Variants in DMGDH observed in about 807,000 individuals in gnomAD.
The protein encoded by DMGDH is dimethylglycine dehydrogenase.
A neutral mutation model predicts 95.2 loss-of-function variants in DMGDH; 76 were observed. That is an observed-to-expected ratio of 0.80 (90% CI 0.66 to 0.97). DMGDH has a LOEUF of 0.97. Among genes scored for constraint, DMGDH ranks in the 50% least tolerant of loss-of-function variants. The pLI is 0.00. For synonymous variants in DMGDH, 345 were observed against 377.6 expected, an observed-to-expected ratio of 0.91 and a Z score of 1.00; for missense variants, 987 against 1,055.0, an observed-to-expected ratio of 0.94 and a Z score of 0.89.
chr5:79,068,463 A>G (rs1466155477), intron 1 of DMGDH, among the ~76,000 whole-genome samples: 1 of 152,172 alleles, frequency 6.6e-6, no homozygotes, highest in East Asian at 1.9e-4. Flanking sequence ...TGAACCTCAG[A>G]AGTGTAAGGT....
chr5:79,034,205 A>G (rs1292403981), intron 7 of DMGDH, among the ~76,000 whole-genome samples: 2 of 152,138 alleles, frequency 1.3e-5, no homozygotes, highest in Non-Finnish European at 2.9e-5. Flanking sequence ...TGACCTCCTT[A>G]GACAATGACC....
At position 79,050,273 on chromosome 5, in the gene DMGDH, AATATAT is replaced by A. The variant is rs761250761; in HGVS notation, c.745+1008_745+1013del. 5.0e-3 allele frequency among the ~76,000 whole-genome samples: 104 copies of A among 20,884 alleles called. 1 individual carries two copies. Among genetic ancestry groups the A allele is most frequent in the Middle Eastern group, 0.05 (2 of 40 alleles). The allele number at this position is 20,884 out of a possible 152,430, so 13.7% of individuals were successfully genotyped here. ...CAAAAAAAAAAAAAAAAAAAAAAAAAATATATATATATATATATATATATATATACC... is the reference window on the plus strand; with the variant it reads ...CAAAAAAAAAAAAAAAAAAAAAAAAAATATATATATATATATATATATACC... On this transcript the variant is annotated intron_variant, in intron 5 of 15. Transcript: ENST00000255189.
At chr5:79,040,657 A>G (rs1041195318) in intron 7 of DMGDH, among the ~76,000 whole-genome samples, 1 of 152,244 alleles carries the variant, frequency 6.6e-6, no homozygotes, top group African/African-American at 2.4e-5. Flanking sequence ...GACACCATCA[A>G]GAAAGTAAAA....
intron 10 of DMGDH, chr5:79,030,618 C>G: frequency 2.0e-6 from 1 of 489,894 alleles, no homozygotes; most frequent in South Asian, 2.3e-5. Flanking sequence ...TGCACTCCAG[C>G]CTGGGTGACA....
At chr5:79,018,228 T>C (rs1862228) in intron 14 of DMGDH, among the ~76,000 whole-genome samples, 50,859 of 151,826 alleles carry the variant, frequency 0.33, 9,393 homozygotes, top group African/African-American at 0.5. Flanking sequence ...TTTGTGGAGA[T>C]GGAAGTCTCA....
chr5:79,020,663 T>C (rs749898544), intron 14 of DMGDH: 244 of 972,692 alleles, frequency 2.5e-4, no homozygotes, highest in Non-Finnish European at 2.9e-4. Context: ...CATTGTCTTA[T>C]AACTTATGTT....
intron 14 of DMGDH, chr5:79,021,315 T>C: frequency 9.2e-7 from 1 of 1,087,552 alleles, no homozygotes; most frequent in Admixed American, 4.4e-5. Flanking sequence ...GTTTCCAGGT[T>C]CATGAGATCT....
At chr5:79,008,675 T>A (rs558553884) in intron 14 of DMGDH, among the ~76,000 whole-genome samples, 1 of 152,004 alleles carries the variant, frequency 6.6e-6, no homozygotes, top group South Asian at 2.1e-4. Flanking sequence ...AATTCACAAT[T>A]TTACCAAAGG....
At chr5:79,013,424 G>C (rs369156378) in intron 14 of DMGDH, among the ~76,000 whole-genome samples, 5 of 152,122 alleles carry the variant, frequency 3.3e-5, no homozygotes, top group Non-Finnish European at 7.3e-5. Flanking sequence ...CACATCTCTA[G>C]GGAGTTTCAA....
intron 2 of DMGDH, among the ~76,000 whole-genome samples, chr5:79,062,681 C>T (rs1377366949): frequency 1.3e-5 from 2 of 152,078 alleles, no homozygotes; most frequent in South Asian, 4.1e-4. Flanking sequence ...TTATGCATAC[C>T]ATGAAGAATG....
chr5:78,997,863 CA>C lies in DMGDH; in HGVS notation c.*218del, dbSNP rs988362533. 3.5e-5 allele frequency: 20 copies of C among 576,532 alleles called. No individual in the cohort carries two copies. The African/African-American group carries it at 3.8e-4, about 11-fold the overall frequency. 35.7% of individuals were successfully genotyped at this position (576,532 alleles called of 1,614,324 possible). A position where few individuals can be genotyped will look rare whatever the true frequency, so the allele number is the denominator to read the frequency against. Reference sequence around the variant, plus strand: ...GGGGTAAATAAAAAAACATTCATTTCAAATTTCTTCATTTAAAAGAACAATG... The same window carrying C: ...GGGGTAAATAAAAAAACATTCATTTCAATTTCTTCATTTAAAAGAACAATG... On this transcript the variant is annotated 3_prime_UTR_variant, in exon 16 of 16. Transcript: ENST00000255189.
intron 7 of DMGDH, among the ~76,000 whole-genome samples, chr5:79,034,419 T>A (rs141432154): frequency 3.2e-3 from 493 of 151,976 alleles, no homozygotes; most frequent in Non-Finnish European, 5.2e-3. Flanking sequence ...AATAAAGGGG[T>A]TTTGACATCA....
chr5:79,031,100 G>C (rs1265576061), intron 9 of DMGDH, 102 bp from the exon 10 acceptor site: 2 of 666,396 alleles, frequency 3.0e-6, no homozygotes, highest in East Asian at 6.7e-5. Context: ...AAAATCCTAC[G>C]GGCAGCGGGG....
intron 12 of DMGDH, among the ~76,000 whole-genome samples, chr5:79,028,182 T>A (rs1554035281): frequency 6.6e-6 from 1 of 151,900 alleles, no homozygotes; most frequent in Non-Finnish European, 1.5e-5. Flanking sequence ...TAGGCAGCGA[T>A]GGGACTGGAG....
chr5:79,044,245 C>G lies in DMGDH; in HGVS notation c.994+59G>C, dbSNP rs908772044. On this transcript the variant is annotated intron_variant, in intron 6 of 15. Transcript: ENST00000255189. ...TCTTATTCTACAGCCATCCTCCAGC[C>G]ATGGAGAGGATGAACCATTCATGTC... is the stretch of plus-strand genomic sequence containing the variant. 1.7e-5 allele frequency: 27 copies of G among 1,609,854 alleles called. No individual in the cohort carries two copies. The African/African-American group carries it at 2.5e-4, about 15-fold the overall frequency.
At chr5:79,003,081 G>A (rs1336810231) in intron 15 of DMGDH, among the ~76,000 whole-genome samples, 1 of 152,204 alleles carries the variant, frequency 6.6e-6, no homozygotes, top group South Asian at 2.1e-4. Flanking sequence ...TGTGGATGAC[G>A]TGGGAATACA....
At chr5:79,000,774 A>G (rs566685109) in intron 15 of DMGDH, 1 of 636,418 alleles carries the variant, frequency 1.6e-6, no homozygotes, top group Non-Finnish European at 2.9e-6. Context: ...TTGGGAGGAA[A>G]AGAAACTTAG....
chr5:79,055,470 A>G (rs193006888), intron 3 of DMGDH, among the ~76,000 whole-genome samples: 1 of 152,342 alleles, frequency 6.6e-6, no homozygotes, highest in Admixed American at 6.5e-5. Flanking sequence ...ACAATCTGGT[A>G]CATTCTATCG....
At chr5:79,009,522 G>A (rs914351634) in intron 14 of DMGDH, among the ~76,000 whole-genome samples, 1 of 152,016 alleles carries the variant, frequency 6.6e-6, no homozygotes, top group Non-Finnish European at 1.5e-5. Flanking sequence ...ACCAGGCCTT[G>A]CTAATTTCTG....
Sources: allele counts gnomAD v4.1 joint callset (sites outside exome capture counted in the v4.1 genomes callset), GRCh38; gene constraint gnomAD v4.1.1; transcripts MANE v1.5; gene names NCBI Gene and HGNC (gene_info 2026-07-23, HGNC 2026-07-21).